Variants in OSTN observed in about 807,000 individuals in gnomAD.
The protein encoded by OSTN is osteocrin.
Under a neutral mutation model 12.0 loss-of-function variants are expected in OSTN, and 9 were observed. The observed-to-expected ratio is 0.75, with a 90% CI of 0.45 to 1.30. The LOEUF (loss-of-function observed/expected upper bound fraction) is 1.30, where lower values mean the gene tolerates loss of function less well. OSTN is among the 50% of genes most tolerant of loss of function. The pLI is 0.00. For synonymous variants in OSTN, 59 were observed against 56.9 expected (o/e 1.04, Z -0.16); for missense variants, 148 against 152.3 (o/e 0.97, Z 0.15).
At chr3:191,224,477 C>T (rs1320793414) in intron 3 of OSTN, among the ~76,000 whole-genome samples, 2 of 151,446 alleles carry the variant, frequency 1.3e-5, no homozygotes, top group African/African-American at 2.4e-5. Flanking sequence ...AGAAGATCTA[C>T]ACAACATAAC....
chr3:191,242,569 AT>A (rs1169911337), intron 3 of OSTN, among the ~76,000 whole-genome samples: 2 of 142,488 alleles, frequency 1.4e-5, no homozygotes, highest in African/African-American at 6.2e-5. Flanking sequence ...TTTCTTGTTT[AT>A]TTTGTTTTGT....
At chr3:191,254,685 C>T (rs1715632581) in intron 4 of OSTN, among the ~76,000 whole-genome samples, 1 of 152,186 alleles carries the variant, frequency 6.6e-6, no homozygotes, top group Admixed American at 6.5e-5. Context: ...CCCATTTCTA[C>T]CAAAGATAAG....
intron 1 of OSTN, among the ~76,000 whole-genome samples, chr3:191,211,171 G>A (rs1352728972): frequency 6.6e-6 from 1 of 152,070 alleles, no homozygotes; most frequent in Non-Finnish European, 1.5e-5. Flanking sequence ...TATTTTATAT[G>A]TATATATTCC....
intron 4 of OSTN, among the ~76,000 whole-genome samples, chr3:191,253,587 G>A (rs1221037597): frequency 6.6e-6 from 1 of 152,218 alleles, no homozygotes; most frequent in Non-Finnish European, 1.5e-5. Flanking sequence ...ATAGTTTCAA[G>A]ACAGGCTATG....
At chr3:191,225,867 G>A (rs921410414) in intron 3 of OSTN, among the ~76,000 whole-genome samples, 7 of 152,034 alleles carry the variant, frequency 4.6e-5, no homozygotes, top group African/African-American at 1.7e-4. Context: ...TACCTACTGA[G>A]TATTATGTTC....
chr3:191,211,218 A>G (rs1323813828), intron 1 of OSTN, among the ~76,000 whole-genome samples: 3 of 152,176 alleles, frequency 2.0e-5, no homozygotes, highest in African/African-American at 7.2e-5. Flanking sequence ...TTACAATTTC[A>G]GTAAATGGTA....
At chr3:191,211,318 T>C (rs1714412042) in intron 1 of OSTN, among the ~76,000 whole-genome samples, 1 of 152,216 alleles carries the variant, frequency 6.6e-6, no homozygotes, top group Non-Finnish European at 1.5e-5. Context: ...ATTTAAGTTA[T>C]TTGTTTTAAC....
At chr3:191,243,772 A>G (rs987205744) in intron 3 of OSTN, among the ~76,000 whole-genome samples, 2 of 152,162 alleles carry the variant, frequency 1.3e-5, no homozygotes, top group South Asian at 4.1e-4. Context: ...TAACACAATA[A>G]TTAATATTTA....
chr3:191,203,360 G>T (rs887550910), intron 1 of OSTN, among the ~76,000 whole-genome samples: 2 of 152,096 alleles, frequency 1.3e-5, no homozygotes, highest in Admixed American at 6.5e-5. Flanking sequence ...CAGATCTGGG[G>T]GTTTAAAATA....
intron 2 of OSTN, 79 bp from the exon 3 acceptor site, chr3:191,218,668 T>G: frequency 8.6e-7 from 1 of 1,156,410 alleles, no homozygotes; most frequent in East Asian, 2.4e-5. Context: ...CAGCTAACAG[T>G]AGCAAAAGCC....
At chr3:191,214,229 C>A (rs1057158414) in intron 2 of OSTN, among the ~76,000 whole-genome samples, 2 of 151,826 alleles carry the variant, frequency 1.3e-5, no homozygotes, top group African/African-American at 4.8e-5. Context: ...ACTTGGATGA[C>A]CAGAGGTCAA....
Position 191,263,185 on chromosome 3 carries a change from T to C in OSTN, c.*332T>C, listed in dbSNP as rs1715850365. 3.8e-6 allele frequency: 1 copy of C among 262,758 alleles called. No individual in the cohort carries two copies. The highest frequency in any genetic ancestry group is 7.1e-6 in the Non-Finnish European group (1 of 140,472). 16.3% of individuals were successfully genotyped at this position (262,758 alleles called of 1,614,324 possible). On this transcript the variant is annotated 3_prime_UTR_variant, in exon 5 of 5. Transcript: ENST00000682035. Reference sequence around the variant, plus strand: ...CTGTATGGATTTACCATGCACATGTTTGTAGTCAAAGAATAATAACAAAAG... The same window carrying C: ...CTGTATGGATTTACCATGCACATGTCTGTAGTCAAAGAATAATAACAAAAG...
intron 3 of OSTN, 76 bp downstream of exon 3, chr3:191,219,037 C>T: frequency 1.5e-6 from 2 of 1,309,134 alleles, no homozygotes; most frequent in Non-Finnish European, 2.1e-6. Flanking sequence ...GAGAATTCCA[C>T]ATGAAAAATA....
chr3:191,245,831 C>T (rs752207965), intron 3 of OSTN, among the ~76,000 whole-genome samples: 3 of 151,824 alleles, frequency 2.0e-5, no homozygotes, highest in Non-Finnish European at 2.9e-5. Context: ...TTTGGGAGGC[C>T]GAGGCGGGTG....
At chr3:191,253,507 G>A (rs1001491100) in intron 4 of OSTN, among the ~76,000 whole-genome samples, 3 of 152,202 alleles carry the variant, frequency 2.0e-5, no homozygotes, top group South Asian at 2.1e-4. Context: ...AGGGGGTATA[G>A]ATGCTTATAT....
chr3:191,261,605 T>C (rs1715812235), intron 4 of OSTN, among the ~76,000 whole-genome samples: 1 of 152,222 alleles, frequency 6.6e-6, no homozygotes, highest in South Asian at 2.1e-4. Context: ...AAAACAGCTT[T>C]ATGGAGCCAC....
chr3:191,244,573 C>A (rs1204622282), intron 3 of OSTN, among the ~76,000 whole-genome samples: 1 of 147,718 alleles, frequency 6.8e-6, no homozygotes, highest in East Asian at 1.9e-4. Flanking sequence ...GAATGTAGCA[C>A]CATTATATAT....
Position 191,264,310 on chromosome 3 carries a change from T to G in OSTN, c.*1457T>G, listed in dbSNP as rs1329843362. The G allele has an allele frequency of 6.6e-6, 1 of 152,124 alleles. No individual in the cohort carries two copies. The highest frequency in any genetic ancestry group is 1.5e-5 in the Non-Finnish European group (1 of 67,960). The allele number at this position is 152,124 out of a possible 1,614,324, so 9.4% of individuals were successfully genotyped here. A position where few individuals can be genotyped will look rare whatever the true frequency, so the allele number is the denominator to read the frequency against. On this transcript the variant is annotated 3_prime_UTR_variant, in exon 5 of 5. Transcript: ENST00000682035. ...CTTTATGAAGGACTAATTTTTCAGT[T>G]ATCCAATGTGCTTTTTAAAGATAAA...
In OSTN at chr3:191,246,993, C is replaced by T. The variant is rs117832315; in HGVS notation, c.318-3044C>T. On this transcript the variant is annotated intron_variant, in intron 3 of 4. Transcript: ENST00000682035. ...AGGTCCTTAACCTTAATCCTGTCTG[C>T]AAAATGCATTTGCTATATAAAGTGA... is the stretch of plus-strand genomic sequence containing the variant. Among the ~76,000 whole-genome samples the T allele has an allele frequency of 3.5e-4, 53 of 152,302 alleles. No homozygotes were observed. In the East Asian group the frequency reaches 9.2e-3, roughly 27 times the overall value.
Sources: allele counts gnomAD v4.1 joint callset (sites outside exome capture counted in the v4.1 genomes callset), GRCh38; gene constraint gnomAD v4.1.1; transcripts MANE v1.5; gene names NCBI Gene and HGNC (gene_info 2026-07-23, HGNC 2026-07-21).